The following PSG5 variants were observed in gnomAD, a reference collection of about 807,000 sequenced individuals.
PSG5 encodes pregnancy-specific beta-1-glycoprotein 5.
Under a neutral mutation model 37.7 loss-of-function variants are expected in PSG5, and 53 were observed. The observed-to-expected ratio is 1.41, with a 90% CI of 1.13 to 1.77. The LOEUF is 1.77. Among genes scored for constraint, PSG5 ranks in the 40% most tolerant of loss-of-function variants. The pLI, the probability that PSG5 is intolerant of heterozygous loss-of-function variation, is 0.00. For synonymous variants in PSG5, 221 were observed against 155.4 expected, an observed-to-expected ratio of 1.42 and a Z score of -3.14; for missense variants, 547 against 405.2, an observed-to-expected ratio of 1.35 and a Z score of -3.00.
rs753291590 is a variant in PSG5 at position 43,186,314 on chromosome 19, G to A, written c.64+28C>T. The A allele has an allele frequency of 2.5e-6, 4 of 1,610,996 alleles. No homozygotes were observed. The South Asian group carries it at 4.4e-5, about 18-fold the overall frequency. On this transcript the variant is annotated intron_variant, in intron 1 of 5. Coordinates refer to ENST00000342951, the MANE Select transcript of PSG5 (RefSeq NM_002781.4). ...TCCAGTCACTCTTCTTCCTCCTCCT[G>A]TCCTCTCCCAGGAAGTTCTCTCCTC... is the stretch of plus-strand genomic sequence containing the variant.
At chr19:43,181,968 G>A (rs1023607001) in intron 2 of PSG5, among the ~76,000 whole-genome samples, 1 of 151,620 alleles carries the variant, frequency 6.6e-6, no homozygotes, top group Non-Finnish European at 1.5e-5. Context: ...GGGACTGCAG[G>A]CCTGTCCAGC....
At chr19:43,175,504 A>T in intron 3 of PSG5, 35 bp from the exon 4 acceptor site, 1 of 1,576,934 alleles carries the variant, frequency 6.3e-7, no homozygotes. Flanking sequence ...AGGTGATGTC[A>T]TCCAAGGGAA....
chr19:43,181,771 T>C (rs1351271313), intron 2 of PSG5, among the ~76,000 whole-genome samples: 1 of 151,838 alleles, frequency 6.6e-6, no homozygotes, highest in African/African-American at 2.4e-5. Context: ...GGGATTTTAA[T>C]GAGTTGTTGA....
chr19:43,178,824 G>T, intron 2 of PSG5: 8 of 1,611,616 alleles, frequency 5.0e-6, no homozygotes, highest in Non-Finnish European at 6.8e-6. Context: ...CCTGGCCTCT[G>T]GCCATGTGTA....
At position 43,184,943 on chromosome 19, in the gene PSG5, A is replaced by G. The variant is rs778813044; in HGVS notation, c.269T>C (p.Ile90Thr). ...TSYVVDGQIN[I>T]YGPAYTGRET... The stretch of plus-strand genomic sequence containing the variant: ...TCGTCCAGTGTATGCAGGCCCATAT[A>G]TATTTATTTGACCGTCTACTACATA... Residue 90 changes from isoleucine to threonine, a missense_variant, in exon 2 of 6, where the codon ATA becomes ACA. Transcript: ENST00000342951. 3.1e-6 allele frequency: 5 copies of G among 1,612,232 alleles called. No individual in the cohort carries two copies. The highest frequency in any genetic ancestry group is 1.3e-5 in the African/African-American group (1 of 74,410).
chr19:43,179,817 T>G (rs1395049993), intron 2 of PSG5, among the ~76,000 whole-genome samples: 1 of 151,714 alleles, frequency 6.6e-6, no homozygotes, highest in Non-Finnish European at 1.5e-5. Context: ...GTCCAAGGAA[T>G]GACCTACAAA....
At position 43,184,090 on chromosome 19, in the gene PSG5, A is replaced by C. The variant is rs183815929; in HGVS notation, c.430+692T>G. ...CAGGTACATCTTCTCCCTTCTGTTT[A>C]TGCTTCTGGGGACATTAGACTTTCT... On this transcript the variant is annotated intron_variant, in intron 2 of 5. Coordinates refer to ENST00000342951, the MANE Select transcript of PSG5 (RefSeq NM_002781.4). 6.7e-4 allele frequency among the ~76,000 whole-genome samples: 101 copies of C among 151,786 alleles called. 1 individual carries two copies. Among genetic ancestry groups the C allele is most frequent in the East Asian group, 1.5e-3 (8 of 5,182 alleles).
Position 43,171,770 on chromosome 19 carries a change from C to G in PSG5, c.965-1632G>C, listed in dbSNP as rs1968909574. ...GATTTCTTGAGACCAGGTGTTTGGA[C>G]CAGCATGGGTAACCTGGGGAGATGC... is the stretch of plus-strand genomic sequence containing the variant. On this transcript the variant is annotated intron_variant, in intron 4 of 5. Transcript: ENST00000342951. Among the ~76,000 whole-genome samples the G allele has an allele frequency of 2.0e-5, 3 of 151,378 alleles. No individual in the cohort carries two copies. The South Asian group carries it at 6.2e-4, about 32-fold the overall frequency.
At chr19:43,180,841 C>T (rs1420365519) in intron 2 of PSG5, among the ~76,000 whole-genome samples, 4 of 151,330 alleles carry the variant, frequency 2.6e-5, no homozygotes, top group South Asian at 2.1e-4. Flanking sequence ...CTGGTCAGTG[C>T]GTCAATTACA....
rs949647197 is a variant in PSG5 at position 43,175,787 on chromosome 19, C to T, written c.709+83G>A. ...GAAATAAAGGTGTCTATACTTGGAC[C>T]GGAGAAAGACTGAGAGGACTGGCTT... On this transcript the variant is annotated intron_variant, in intron 3 of 5. Coordinates refer to ENST00000342951, the MANE Select transcript of PSG5 (RefSeq NM_002781.4). The T allele has an allele frequency of 3.7e-5, 59 of 1,582,968 alleles. 1 individual carries two copies. In the Middle Eastern group the frequency reaches 8.3e-4, roughly 22 times the overall value.
intron 2 of PSG5, among the ~76,000 whole-genome samples, chr19:43,183,037 G>T (rs1388034233): frequency 6.6e-6 from 1 of 151,080 alleles, no homozygotes; most frequent in African/African-American, 2.4e-5. Flanking sequence ...AGGGGTGGGG[G>T]AAGAAGCTGT....
intron 5 of PSG5, among the ~76,000 whole-genome samples, chr19:43,169,554 T>C (rs1287702681): frequency 6.6e-6 from 1 of 151,460 alleles, no homozygotes; most frequent in Non-Finnish European, 1.5e-5. Context: ...GTAAAGGAAG[T>C]GAGAAGGCTT....
At chr19:43,168,614 T>C (rs1476456730) in intron 5 of PSG5, among the ~76,000 whole-genome samples, 3 of 151,830 alleles carry the variant, frequency 2.0e-5, no homozygotes, top group Admixed American at 6.6e-5. Context: ...CATCGTGATG[T>C]GCCCACCTCG....
intron 4 of PSG5, among the ~76,000 whole-genome samples, chr19:43,173,720 G>T (rs374108249): frequency 1.3e-5 from 2 of 151,626 alleles, no homozygotes; most frequent in Admixed American, 1.3e-4. Context: ...AAAACAACAG[G>T]TGTTTTCAAG....
chr19:43,183,904 A>G (rs1346120273), intron 2 of PSG5, among the ~76,000 whole-genome samples: 1 of 126,058 alleles, frequency 7.9e-6, no homozygotes, highest in Non-Finnish European at 1.6e-5. Flanking sequence ...TAAGTGGCAA[A>G]TGGACTGTGG....
intron 2 of PSG5, among the ~76,000 whole-genome samples, chr19:43,179,648 C>T (rs914144031): frequency 2.6e-5 from 4 of 151,786 alleles, no homozygotes; most frequent in South Asian, 2.1e-4. Context: ...GAAAGCCTGG[C>T]CTGGGACTGG....
chr19:43,186,320 T>C (rs1296711851), intron 1 of PSG5, 22 bp downstream of exon 1: 6 of 1,611,238 alleles, frequency 3.7e-6, no homozygotes, highest in Non-Finnish European at 5.1e-6. Context: ...TCCTGTCCTC[T>C]CCCAGGAAGT....
chr19:43,169,629 A>T (rs62112141), intron 5 of PSG5, among the ~76,000 whole-genome samples: 7,626 of 151,694 alleles, frequency 0.05, 372 homozygotes, highest in Non-Finnish European at 0.063. Flanking sequence ...TTCTTGATTA[A>T]GTGAATTAAC....
chr19:43,175,766 T>C (rs556424604), intron 3 of PSG5, 104 bp downstream of exon 3: 4 of 1,558,588 alleles, frequency 2.6e-6, no homozygotes, highest in African/African-American at 2.7e-5. Flanking sequence ...TGTCCAGAAA[T>C]AAAGGTGTCT....
Sources: allele counts gnomAD v4.1 joint callset (sites outside exome capture counted in the v4.1 genomes callset), GRCh38; gene constraint gnomAD v4.1.1; transcripts MANE v1.5; gene names NCBI Gene and HGNC (gene_info 2026-07-23, HGNC 2026-07-21).